The following SEPSECS variants were observed in gnomAD, a reference collection of about 807,000 sequenced individuals.
SEPSECS encodes Sep (O-phosphoserine) tRNA:Sec (selenocysteine) tRNA synthase, also known as O-phosphoseryl-tRNA(Sec) selenium transferase.
Under a neutral mutation model 52.1 loss-of-function variants are expected in SEPSECS, and 42 were observed. The observed-to-expected ratio is 0.81, with a 90% CI of 0.63 to 1.04. The LOEUF (loss-of-function observed/expected upper bound fraction) is 1.04. Ranked by LOEUF, SEPSECS falls within the 50% of genes least tolerant of loss-of-function variation. The pLI, the probability that SEPSECS is intolerant of heterozygous loss-of-function variation, is 0.00. For synonymous variants in SEPSECS, 216 were observed against 211.4 expected (o/e 1.02, Z -0.19); for missense variants, 590 against 610.6 (o/e 0.97, Z 0.36).
At chr4:25,157,099 T>C (rs942131322) in intron 2 of SEPSECS, 125 bp from the exon 3 acceptor site, 6 of 721,284 alleles carry the variant, frequency 8.3e-6, no homozygotes, top group African/African-American at 7.0e-5. Flanking sequence ...TACAGATATA[T>C]GTCACAAACT....
intron 8 of SEPSECS, among the ~76,000 whole-genome samples, chr4:25,133,690 G>A (rs1728708478): frequency 1.3e-5 from 2 of 152,142 alleles, no homozygotes; most frequent in South Asian, 4.1e-4. Flanking sequence ...TGCTAGGCAG[G>A]AAGTACAATG....
chr4:25,160,529 G>A (rs111926440), upstream of SEPSECS: 2,129 of 620,052 alleles, frequency 3.4e-3, 20 homozygotes, highest in African/African-American at 0.026. Context: ...CTTCTCGTTC[G>A]TGCACATGCG....
At chr4:25,157,570 A>C (rs1313211182) in intron 2 of SEPSECS, among the ~76,000 whole-genome samples, 1 of 144,034 alleles carries the variant, frequency 6.9e-6, no homozygotes, top group African/African-American at 2.6e-5. Flanking sequence ...TTTGAGACGG[A>C]GTCTCGCTCT....
intron 8 of SEPSECS, among the ~76,000 whole-genome samples, chr4:25,141,326 T>C (rs2109018173): frequency 6.6e-6 from 1 of 152,312 alleles, no homozygotes; most frequent in East Asian, 1.9e-4. Flanking sequence ...TCTAGTCTCT[T>C]GGCCAATTAA....
rs566227024 is a variant in SEPSECS, at chr4:25,133,417, T to A, written c.1027-6060A>T. ...ATAAAGAACAAAGTCCCAATGAAAC[T>A]GAGCTGCCTGCTGGATTCATTTACT... On this transcript the variant is annotated intron_variant, in intron 8 of 10. Transcript: ENST00000382103. Among the ~76,000 whole-genome samples the A allele has an allele frequency of 2.0e-5, 3 of 152,326 alleles. No homozygotes were observed. The South Asian group carries it at 6.2e-4, about 32-fold the overall frequency.
Position 25,141,469 on chromosome 4 carries a change from C to A in SEPSECS, c.1026+3305G>T, listed in dbSNP as rs533972852. Among the ~76,000 whole-genome samples the A allele has an allele frequency of 4.6e-5, 7 of 152,282 alleles. 1 individual carries two copies. In the South Asian group the frequency reaches 6.2e-4, roughly 14 times the overall value. Reference sequence around the variant, plus strand: ...CAAAACTGAACTCCTAGTCTTCCCCCAAAACCTACAGCTTCCCCATCATAG... The same window carrying A: ...CAAAACTGAACTCCTAGTCTTCCCCAAAAACCTACAGCTTCCCCATCATAG... On this transcript the variant is annotated intron_variant, in intron 8 of 10. Coordinates refer to ENST00000382103, the MANE Select transcript of SEPSECS (RefSeq NM_016955.4).
intron 6 of SEPSECS, among the ~76,000 whole-genome samples, chr4:25,148,352 CAAAAAAAAA>C (rs34262935): frequency 2.6e-5 from 2 of 75,588 alleles, no homozygotes; most frequent in East Asian, 4.2e-4. Context: ...GACTCCGTCT[CAAAAAAAAA>C]AAAAAAAAAA....
chr4:25,127,356 T>C lies in SEPSECS; in HGVS notation c.1028A>G (p.Glu343Gly), dbSNP rs868457503. 1 of 1,607,760 alleles carries C rather than the reference T, an allele frequency of 6.2e-7. No homozygotes were observed. Among genetic ancestry groups the C allele is most frequent in the East Asian group, 2.2e-5 (1 of 44,772 alleles). Residue 343 changes from glutamate to glycine, a missense_variant and splice_region_variant, in exon 9 of 11, where the codon GAA (glutamate) becomes GGA (glycine). Physicochemically the swap from Glu to Gly is moderately conservative, Grantham distance 98. Coordinates refer to ENST00000382103, the MANE Select transcript of SEPSECS (RefSeq NM_016955.4). Reference sequence around the variant, plus strand: ...TTGGTTGGACAAATATGAAAACATTTCCTGCAACAACAAAATGTCACATTT... The same window carrying C: ...TTGGTTGGACAAATATGAAAACATTCCCTGCAACAACAAAATGTCACATTT... The part of the protein sequence containing the change: ...GYKKLLKERK[E>G]MFSYLSNQIK...
chr4:25,124,077 G>T lies in SEPSECS; in HGVS notation c.1360C>A (p.Leu454Ile), dbSNP rs1429990267. Residue 454 changes from leucine to isoleucine, a missense_variant, in exon 11 of 11, where the codon CTT becomes ATT. Leu to Ile is a conservative substitution (Grantham distance 5, BLOSUM62 2). Transcript: ENST00000382103. Reference sequence around the variant, plus strand: ...CTTACTGCCTTTAAACACCTGTCAAGTCTCTTTATGAACAGGTCCACATCC... The same window carrying T: ...CTTACTGCCTTTAAACACCTGTCAATTCTCTTTATGAACAGGTCCACATCC... ...MQDVDLFIKRLDRCLKAVRKE... is the reference protein window; with the variant it reads ...MQDVDLFIKRIDRCLKAVRKE... The T allele has an allele frequency of 9.3e-6, 15 of 1,613,644 alleles. No individual in the cohort carries two copies. The highest frequency in any genetic ancestry group is 1.3e-5 in the Non-Finnish European group (15 of 1,179,774).
chr4:25,143,519 A>C (rs1711737110), intron 8 of SEPSECS, among the ~76,000 whole-genome samples: 1 of 152,222 alleles, frequency 6.6e-6, no homozygotes, highest in Non-Finnish European at 1.5e-5. Flanking sequence ...TCGGTACATT[A>C]GCCATTCTAA....
At chr4:25,136,632 C>A (rs527822914) in intron 8 of SEPSECS, among the ~76,000 whole-genome samples, 1 of 152,060 alleles carries the variant, frequency 6.6e-6, no homozygotes, top group Non-Finnish European at 1.5e-5. Context: ...AAAATGGCCA[C>A]ACTGCCCAAA....
chr4:25,153,484 T>G (rs1712433292), intron 5 of SEPSECS, among the ~76,000 whole-genome samples: 1 of 151,924 alleles, frequency 6.6e-6, no homozygotes, highest in Non-Finnish European at 1.5e-5. Context: ...AAAATATTTT[T>G]CATATGTATC....
At chr4:25,155,897 TAC>T in intron 4 of SEPSECS, 138 bp downstream of exon 4, 1 of 714,266 alleles carries the variant, frequency 1.4e-6, no homozygotes, top group South Asian at 1.9e-5. Flanking sequence ...TAAATTTTGT[TAC>T]ATATATTTTA....
chr4:25,159,791 A>C lies in SEPSECS; in HGVS notation c.114+465T>G. 2.7e-6 allele frequency: 3 copies of C among 1,097,856 alleles called. No homozygotes were observed. In the South Asian group the frequency reaches 6.1e-5, roughly 22 times the overall value. 68.0% of individuals were successfully genotyped at this position (1,097,856 alleles called of 1,614,324 possible). ...TGTTTCAAAAAAACAAAACACAACAAAACTTTTAATGAAATTAAAATACAT... is the reference window on the plus strand; with the variant it reads ...TGTTTCAAAAAAACAAAACACAACACAACTTTTAATGAAATTAAAATACAT... On this transcript the variant is annotated intron_variant, in intron 1 of 10. Transcript: ENST00000382103.
At chr4:25,153,928 C>T (rs531066767) in intron 5 of SEPSECS, among the ~76,000 whole-genome samples, 28 of 152,082 alleles carry the variant, frequency 1.8e-4, no homozygotes, top group African/African-American at 2.6e-4. Flanking sequence ...CAAAATGAAA[C>T]GAAAGCAAAG....
At chr4:25,124,257 G>A in intron 10 of SEPSECS, 32 bp from the exon 11 acceptor site, 1 of 1,591,876 alleles carries the variant, frequency 6.3e-7, no homozygotes, top group Non-Finnish European at 8.6e-7. Flanking sequence ...AATTTAATAT[G>A]TCTGGTAATG....
chr4:25,146,016 A>G (rs1711941683), intron 6 of SEPSECS, among the ~76,000 whole-genome samples: 1 of 152,170 alleles, frequency 6.6e-6, no homozygotes, highest in South Asian at 2.1e-4. Context: ...CCGGTGAAAA[A>G]TTGAATACTT....
chr4:25,157,631 A>G (rs929590574), intron 2 of SEPSECS, among the ~76,000 whole-genome samples: 8 of 141,150 alleles, frequency 5.7e-5, no homozygotes, highest in Admixed American at 4.6e-4. Flanking sequence ...TGCAAGCTCC[A>G]CCTCCCAGGT....
intron 1 of SEPSECS, chr4:25,159,713 A>C (rs1712935684): frequency 1.4e-6 from 1 of 732,310 alleles, no homozygotes; most frequent in Non-Finnish European, 1.8e-6. Flanking sequence ...CGGAGGCTGC[A>C]GTGAGCCGAG....
Sources: allele counts gnomAD v4.1 joint callset (sites outside exome capture counted in the v4.1 genomes callset), GRCh38; gene constraint gnomAD v4.1.1; transcripts MANE v1.5; gene names NCBI Gene and HGNC (gene_info 2026-07-23, HGNC 2026-07-21).